CFAP47: variants seen among roughly 807,000 people sequenced by gnomAD.
CFAP47 encodes the protein cilia- and flagella-associated protein 47.
A neutral mutation model predicts 148.1 loss-of-function variants in CFAP47; 29 were observed. The observed-to-expected ratio is 0.20, with a 90% confidence interval of 0.15 to 0.27. CFAP47 has a LOEUF of 0.27. Ranked by LOEUF, CFAP47 falls within the 10% of genes least tolerant of loss-of-function variation. The pLI, the probability that CFAP47 is intolerant of heterozygous loss-of-function variation, is 1.00. For missense variants in CFAP47, 1,872 were observed against 1,697.5 expected, an observed-to-expected ratio of 1.10 and a Z score of -1.81; for synonymous variants, 664 against 577.3, an observed-to-expected ratio of 1.15 and a Z score of -2.15.
chrX:36,351,533 G>A (rs1941742885), intron 59 of CFAP47, among the ~76,000 whole-genome samples: 1 of 111,546 alleles, frequency 9.0e-6, no homozygotes, highest in Non-Finnish European at 1.9e-5. Flanking sequence ...CAGATTAAAG[G>A]TCTAAAGCCA....
chrX:36,330,381 C>T (rs1258922631), intron 57 of CFAP47, among the ~76,000 whole-genome samples: 1 of 111,917 alleles, frequency 8.9e-6, no homozygotes, highest in Non-Finnish European at 1.9e-5. Context: ...TTTACACATT[C>T]TGAGACATAG....
At chrX:35,987,478 C>T (rs1936732498) in intron 15 of CFAP47, among the ~76,000 whole-genome samples, 1 of 111,477 alleles carries the variant, frequency 9.0e-6, no homozygotes, top group African/African-American at 3.3e-5. Flanking sequence ...GCCAGTGTCC[C>T]AGGTCAACTT....
chrX:35,950,509 G>A (rs934949978), intron 4 of CFAP47, among the ~76,000 whole-genome samples: 17 of 110,882 alleles, frequency 1.5e-4, no homozygotes, highest in African/African-American at 5.3e-4. Context: ...GGACCTTAAG[G>A]TGTGTGTCAC....
At chrX:36,243,102 G>A (rs1940566111) in intron 48 of CFAP47, among the ~76,000 whole-genome samples, 2 of 111,376 alleles carry the variant, frequency 1.8e-5, no homozygotes, top group African/African-American at 3.3e-5. Context: ...TTCATAAGTG[G>A]AGAGATAAAA....
chrX:36,179,262 GA>G, intron 39 of CFAP47, 82 bp from the exon 40 acceptor site: 1 of 284,317 alleles, frequency 3.5e-6, no homozygotes, highest in Non-Finnish European at 6.2e-6. Flanking sequence ...TGAATGATAG[GA>G]AAAAATAAAA....
intron 39 of CFAP47, among the ~76,000 whole-genome samples, chrX:36,178,353 A>G (rs1939710754): frequency 1.8e-5 from 2 of 111,860 alleles, no homozygotes; most frequent in Non-Finnish European, 3.8e-5. Context: ...AAGTTTTAAA[A>G]ATAATAAAAT....
At chrX:35,978,636 G>A (rs774255175) in intron 15 of CFAP47, among the ~76,000 whole-genome samples, 5 of 111,497 alleles carry the variant, frequency 4.5e-5, no homozygotes, top group African/African-American at 1.6e-4. Flanking sequence ...ATCTCATATA[G>A]CATTGAAAAA....
At chrX:36,333,734 T>C (rs1411166877) in intron 57 of CFAP47, among the ~76,000 whole-genome samples, 1 of 110,839 alleles carries the variant, frequency 9.0e-6, no homozygotes, top group Non-Finnish European at 1.9e-5. Flanking sequence ...AATCTCCATT[T>C]CAAGTGTCTC....
chrX:36,003,967 CTT>C (rs761024902), intron 21 of CFAP47, among the ~76,000 whole-genome samples: 3 of 66,371 alleles, frequency 4.5e-5, no homozygotes, highest in African/African-American at 6.7e-5. Context: ...CTTTCTTTTT[CTT>C]TTTTTTTTTT....
At chrX:36,104,765 C>G (rs1215227938) in intron 33 of CFAP47, 74 bp downstream of exon 33, 1 of 396,967 alleles carries the variant, frequency 2.5e-6, no homozygotes, top group Non-Finnish European at 4.4e-6. Context: ...GCCATGGATA[C>G]ACAATCAACT....
intron 48 of CFAP47, among the ~76,000 whole-genome samples, chrX:36,243,611 G>T (rs1183154192): frequency 2.1e-5 from 2 of 96,531 alleles, no homozygotes; most frequent in Admixed American, 1.2e-4. Flanking sequence ...GATAAAGGGT[G>T]CAAGTCAACA....
intron 44 of CFAP47, among the ~76,000 whole-genome samples, chrX:36,204,107 T>C (rs1940012290): frequency 9.0e-6 from 1 of 111,488 alleles, no homozygotes; most frequent in Non-Finnish European, 1.9e-5. Flanking sequence ...CGTTTGTTTT[T>C]TCTTGTAAAT....
At chrX:36,248,879 T>C (rs1283546126) in intron 48 of CFAP47, among the ~76,000 whole-genome samples, 1 of 110,751 alleles carries the variant, frequency 9.0e-6, no homozygotes, top group Non-Finnish European at 1.9e-5. Context: ...AAAATGGAAA[T>C]AAATTTGGGA....
intron 22 of CFAP47, among the ~76,000 whole-genome samples, chrX:36,017,007 C>T (rs1937104107): frequency 9.0e-6 from 1 of 110,753 alleles, no homozygotes; most frequent in African/African-American, 3.3e-5. Flanking sequence ...AATTTTAAAT[C>T]GGATTATTAG....
chrX:36,371,699 CATGTGTATAT>C (rs1228983873), intron 62 of CFAP47, among the ~76,000 whole-genome samples: 1,840 of 56,581 alleles, frequency 0.033, 353 homozygotes, highest in African/African-American at 0.16. Context: ...TATATACACA[CATGTGTATAT>C]ATGTGTGTAT....
chrX:36,098,705 C>T, intron 30 of CFAP47, 88 bp from the exon 31 acceptor site: 1 of 435,220 alleles, frequency 2.3e-6, no homozygotes, highest in Non-Finnish European at 3.7e-6. Context: ...ACAAATGTGA[C>T]TTGAAATATT....
At chrX:36,066,015 A>G (rs762365101) in intron 27 of CFAP47, among the ~76,000 whole-genome samples, 2 of 112,257 alleles carry the variant, frequency 1.8e-5, no homozygotes, top group African/African-American at 6.5e-5. Context: ...GTACAGGACC[A>G]TAATGCTATG....
intron 2 of CFAP47, among the ~76,000 whole-genome samples, chrX:35,935,830 A>C (rs765238577): frequency 9.0e-6 from 1 of 111,011 alleles, no homozygotes; most frequent in African/African-American, 3.3e-5. Context: ...ATATTGTGAC[A>C]CTTCCTTCCG....
intron 57 of CFAP47, among the ~76,000 whole-genome samples, chrX:36,340,618 A>G (rs1941644018): frequency 9.0e-6 from 1 of 111,403 alleles, no homozygotes; most frequent in Non-Finnish European, 1.9e-5. Flanking sequence ...ATTAGAGCCC[A>G]CACTAATAAC....
Sources: gnomAD v4.1 joint callset for allele counts (sites outside exome capture counted in the v4.1 genomes callset) on GRCh38, gnomAD v4.1.1 for gene constraint, MANE v1.5 for transcripts, NCBI Gene and HGNC (gene_info 2026-07-23, HGNC 2026-07-21) for gene names.